INSL4: variants seen among roughly 807,000 people sequenced by gnomAD.
INSL4 encodes insulin like 4.
A neutral mutation model predicts 6.5 loss-of-function variants in INSL4; 7 were observed. The observed-to-expected ratio is 1.08, with a 90% CI of 0.61 to 2.02. INSL4 has a LOEUF of 2.02. INSL4 is among the 30% of genes most tolerant of loss of function. The probability of loss-of-function intolerance (pLI) is 0.00; values close to 1 mark genes in which losing one functional copy is unlikely to be tolerated. For synonymous variants in INSL4, 82 were observed against 65.8 expected (o/e 1.25, Z -1.19); for missense variants, 226 against 163.2 (o/e 1.38, Z -2.09).
At chr9:5,233,375 C>A (rs1470582324) in intron 1 of INSL4, among the ~76,000 whole-genome samples, 1 of 151,990 alleles carries the variant, frequency 6.6e-6, no homozygotes, top group Non-Finnish European at 1.5e-5. Context: ...CAGGGAGAGT[C>A]AAAAGTGGTA....
At chr9:5,232,863 G>A (rs1008214278) in intron 1 of INSL4, among the ~76,000 whole-genome samples, 1 of 152,148 alleles carries the variant, frequency 6.6e-6, no homozygotes, top group African/African-American at 2.4e-5. Context: ...AAATGACTCT[G>A]TTTAAAGTTA....
rs1388542233 is a variant in INSL4 at position 5,233,685 on chromosome 9, A to T, written c.228A>T (p.Gly76=). The change falls in exon 2 of 2, where the codon GGA becomes GGT. Residue 76 remains glycine, a synonymous_variant. Coordinates refer to ENST00000239316, the MANE Select transcript of INSL4 (RefSeq NM_002195.2). The part of the protein sequence containing the change: ...EMVSTSNNKD[G]QALGTTSEFI... The stretch of plus-strand genomic sequence containing the variant: ...TGTCAACCTCCAACAACAAAGATGG[A>T]CAAGCCTTAGGTACGACATCAGAAT... 2.5e-6 allele frequency: 4 copies of T among 1,613,540 alleles called. No individual in the cohort carries two copies. The African/African-American group carries it at 4.0e-5, about 16-fold the overall frequency.
At chr9:5,232,614 A>C (rs1017027264) in intron 1 of INSL4, among the ~76,000 whole-genome samples, 1 of 152,218 alleles carries the variant, frequency 6.6e-6, no homozygotes, top group African/African-American at 2.4e-5. Context: ...AACTTTACCA[A>C]GTAACAAGGT....
In INSL4 at chr9:5,233,724, G is replaced by T. The variant is rs1206550366; in HGVS notation, c.267G>T (p.Leu89Phe). 1.2e-6 allele frequency: 2 copies of T among 1,613,680 alleles called. No individual in the cohort carries two copies. The highest frequency in any genetic ancestry group is 1.7e-6 in the Non-Finnish European group (2 of 1,179,732). The change falls in exon 2 of 2, where the codon TTG (leucine) becomes TTT (phenylalanine). Residue 89 changes from leucine (L) to phenylalanine (F), a missense_variant. Coordinates refer to ENST00000239316, the MANE Select transcript of INSL4 (RefSeq NM_002195.2). The part of the protein sequence containing the change: ...LGTTSEFIPN[L>F]SPELKKPLSE... ...CGACATCAGAATTCATTCCTAATTTGTCACCAGAGCTGAAGAAACCACTGT... is the reference window on the plus strand; with the variant it reads ...CGACATCAGAATTCATTCCTAATTTTTCACCAGAGCTGAAGAAACCACTGT...
chr9:5,232,383 G>C (rs1305391226), intron 1 of INSL4, among the ~76,000 whole-genome samples: 3 of 152,008 alleles, frequency 2.0e-5, no homozygotes, highest in African/African-American at 7.2e-5. Flanking sequence ...CCATTTCTTT[G>C]AATCTACTCT....
Position 5,231,466 on chromosome 9 carries a change from G to T in INSL4, c.-58G>T, listed in dbSNP as rs1444354613. 1 of 1,539,342 alleles carries T rather than the reference G, an allele frequency of 6.5e-7. No homozygotes were observed. Among genetic ancestry groups the T allele is most frequent in the Non-Finnish European group, 8.8e-7 (1 of 1,132,006 alleles). ...CACCAGCACAGTCTGGTAGGCTACA[G>T]CAGCAAGTCTCTAAAGAAAGGCTGA... On this transcript the variant is annotated 5_prime_UTR_variant, in exon 1 of 2. Transcript: ENST00000239316.
Position 5,233,785 on chromosome 9 carries a change from T to G in INSL4, c.328T>G (p.Ser110Ala). Residue 110 changes from serine (S) to alanine (A), a missense_variant, in exon 2 of 2, where the codon TCC (serine) becomes GCC (alanine). Transcript: ENST00000239316. The stretch of plus-strand genomic sequence containing the variant: ...GCCATCATTGAAGAAAATAATACTT[T>G]CCCGCAAAAAGAGAAGTGGACGTCA... ...GQPSLKKIIL[S>A]RKKRSGRHRF... 6.2e-7 allele frequency: 1 copy of G among 1,613,682 alleles called. No homozygotes were observed. The highest frequency in any genetic ancestry group is 1.3e-5 in the African/African-American group (1 of 75,016).
chr9:5,231,604 G>C lies in INSL4; in HGVS notation c.81G>C (p.Glu27Asp). The change falls in exon 1 of 2, where the codon GAG becomes GAC. Residue 27 changes from glutamate (E) to aspartate (D), a missense_variant. By Grantham distance (45) the Glu-to-Asp change is conservative. Transcript: ENST00000239316. ...TCCTTAGAGAAAGCCTAGCAGCAGAGCTGAGGGGATGTGGTCCCCGATTTG... is the reference window on the plus strand; with the variant it reads ...TCCTTAGAGAAAGCCTAGCAGCAGACCTGAGGGGATGTGGTCCCCGATTTG... The part of the protein sequence containing the change: ...SQLLRESLAA[E>D]LRGCGPRFGK... 1 of 1,613,934 alleles carries C rather than the reference G, an allele frequency of 6.2e-7. No homozygotes were observed. The highest frequency in any genetic ancestry group is 8.5e-7 in the Non-Finnish European group (1 of 1,179,888).
At position 5,231,495 on chromosome 9, in the gene INSL4, C is replaced by A. The variant is rs764399565; in HGVS notation, c.-29C>A. On this transcript the variant is annotated 5_prime_UTR_variant, in exon 1 of 2. Transcript: ENST00000239316. ...CAAGTCTCTAAAGAAAGGCTGAGAA[C>A]ACCCAGAACAGGAGAGTTCAGGTCC... The A allele has an allele frequency of 4.4e-6, 7 of 1,599,312 alleles. No individual in the cohort carries two copies. In the East Asian group the frequency reaches 1.3e-4, roughly 31 times the overall value.
intron 1 of INSL4, among the ~76,000 whole-genome samples, chr9:5,232,928 T>C (rs1195994072): frequency 6.6e-6 from 1 of 152,186 alleles, no homozygotes; most frequent in East Asian, 1.9e-4. Flanking sequence ...GATTTCAAAG[T>C]TATTTCCTTT....
At chr9:5,231,756 C>A in intron 1 of INSL4, 37 bp downstream of exon 1, 2 of 1,577,952 alleles carry the variant, frequency 1.3e-6, no homozygotes, top group Non-Finnish European at 8.7e-7. Context: ...CAGAATGAGG[C>A]CTGAAAAAAC....
intron 1 of INSL4, among the ~76,000 whole-genome samples, chr9:5,232,851 T>G (rs2130951290): frequency 6.6e-6 from 1 of 152,332 alleles, no homozygotes; most frequent in East Asian, 1.9e-4. Flanking sequence ...CATTAAATCA[T>G]TAAATGACTC....
intron 1 of INSL4, among the ~76,000 whole-genome samples, chr9:5,233,331 C>T (rs2130951562): frequency 6.6e-6 from 1 of 152,202 alleles, no homozygotes; most frequent in East Asian, 1.9e-4. Context: ...CTATCCAGTA[C>T]ATAATGCATT....
At chr9:5,231,805 A>G in intron 1 of INSL4, 86 bp downstream of exon 1, 1 of 1,191,686 alleles carries the variant, frequency 8.4e-7, no homozygotes, top group Non-Finnish European at 1.2e-6. Context: ...GTCAACTCAG[A>G]CTCTACTGTG....
intron 1 of INSL4, 135 bp from the exon 2 acceptor site, chr9:5,233,519 T>A: frequency 7.7e-6 from 5 of 650,388 alleles, no homozygotes; most frequent in Non-Finnish European, 1.3e-5. Context: ...GTTAGGATAC[T>A]TGCTGATTCT....
In INSL4 at chr9:5,234,149, G is replaced by C; in HGVS notation, c.*272G>C. The C allele has an allele frequency of 2.9e-6, 1 of 348,992 alleles. No homozygotes were observed. The highest frequency in any genetic ancestry group is 5.3e-6 in the Non-Finnish European group (1 of 189,388). The allele number at this position is 348,992 out of a possible 1,614,324, so 21.6% of individuals were successfully genotyped here. On this transcript the variant is annotated 3_prime_UTR_variant, in exon 2 of 2. Transcript: ENST00000239316. ...AAAATAGCTAGAAGAGAATTGTAAT[G>C]ATTCCAACACAAAAAAGATGAATGT...
chr9:5,232,539 C>T (rs1192751825), intron 1 of INSL4, among the ~76,000 whole-genome samples: 1 of 152,092 alleles, frequency 6.6e-6, no homozygotes, highest in East Asian at 1.9e-4. Flanking sequence ...TTTGAGACTG[C>T]AAAGCATTTT....
rs1479356924 is a variant in INSL4 at position 5,234,432 on chromosome 9, T to C, written c.*555T>C. The C allele has an allele frequency of 6.4e-6, 1 of 155,360 alleles. No individual in the cohort carries two copies. The highest frequency in any genetic ancestry group is 1.4e-5 in the Non-Finnish European group (1 of 70,342). 9.6% of individuals were successfully genotyped at this position (155,360 alleles called of 1,614,324 possible). ...TCTAACCATCTCTAACATCAGCTCA[T>C]AGTACGGAGGAAAAGCAGTGAAGGA... On this transcript the variant is annotated 3_prime_UTR_variant, in exon 2 of 2. Transcript: ENST00000239316.
chr9:5,234,122 C>A lies in INSL4; in HGVS notation c.*245C>A, dbSNP rs1245612222. ...ACTTAACAATAATTCACTGTATATTCCAAAATAGCTAGAAGAGAATTGTAA... is the reference window on the plus strand; with the variant it reads ...ACTTAACAATAATTCACTGTATATTACAAAATAGCTAGAAGAGAATTGTAA... On this transcript the variant is annotated 3_prime_UTR_variant, in exon 2 of 2. Coordinates refer to ENST00000239316, the MANE Select transcript of INSL4 (RefSeq NM_002195.2). The A allele has an allele frequency of 1.9e-5, 8 of 416,094 alleles. No homozygotes were observed. The highest frequency in any genetic ancestry group is 9.5e-5 in the South Asian group (3 of 31,702). The allele number at this position is 416,094 out of a possible 1,614,324, so 25.8% of individuals were successfully genotyped here.
Sources: gnomAD v4.1 joint callset for allele counts (sites outside exome capture counted in the v4.1 genomes callset) on GRCh38, gnomAD v4.1.1 for gene constraint, MANE v1.5 for transcripts, NCBI Gene and HGNC (gene_info 2026-07-23, HGNC 2026-07-21) for gene names.